Variants in SPAG16 observed in about 807,000 individuals in gnomAD.
The protein encoded by SPAG16 is sperm-associated antigen 16 protein.
SPAG16 carries 86 observed loss-of-function variants against 80.4 expected under a neutral mutation model. The ratio of observed to expected loss-of-function variants is 1.07; its 90% CI spans 0.90 to 1.28. SPAG16 has a LOEUF of 1.28. Ranked by LOEUF, SPAG16 falls within the 50% of genes most tolerant of loss-of-function variation. The probability of loss-of-function intolerance (pLI) is 0.00; values close to 1 mark genes in which losing one functional copy is unlikely to be tolerated. For synonymous variants in SPAG16, 294 were observed against 265.9 expected, an observed-to-expected ratio of 1.11 and a Z score of -1.03; for missense variants, 870 against 765.3, an observed-to-expected ratio of 1.14 and a Z score of -1.61.
rs549361780 is a variant in SPAG16 at position 213,542,089 on chromosome 2, A to T, written c.1070+51999A>T. On this transcript the variant is annotated intron_variant, in intron 10 of 15. Coordinates refer to ENST00000331683, the MANE Select transcript of SPAG16 (RefSeq NM_024532.5). ...GATGTATTAAATTAGTTTGATGAGA[A>T]TTTTTTTCTGTAATTAAAAAGAAAC... 9.2e-5 allele frequency among the ~76,000 whole-genome samples: 14 copies of T among 152,288 alleles called. No individual in the cohort carries two copies. The East Asian group carries it at 2.7e-3, about 29-fold the overall frequency.
At chr2:214,324,631 C>T (rs936638653) in intron 15 of SPAG16, among the ~76,000 whole-genome samples, 1 of 152,192 alleles carries the variant, frequency 6.6e-6, no homozygotes, top group East Asian at 1.9e-4. Context: ...ACTTGCCAAC[C>T]CACGTCTGTG....
At chr2:214,101,253 CTAGGCTAGCT>C (rs1232162810) in intron 13 of SPAG16, among the ~76,000 whole-genome samples, 1 of 151,870 alleles carries the variant, frequency 6.6e-6, no homozygotes, top group African/African-American at 2.4e-5. Flanking sequence ...GTCAGTCAGG[CTAGGCTAGCT>C]TGTGTTATGG....
chr2:213,655,680 T>G (rs2063195871), intron 10 of SPAG16, among the ~76,000 whole-genome samples: 1 of 152,198 alleles, frequency 6.6e-6, no homozygotes, highest in South Asian at 2.1e-4. Flanking sequence ...GAGATGAGCC[T>G]TACCTCCAAA....
chr2:213,508,455 C>A (rs2075065036), intron 10 of SPAG16, among the ~76,000 whole-genome samples: 1 of 152,100 alleles, frequency 6.6e-6, no homozygotes, highest in Admixed American at 6.5e-5. Context: ...GCCTGTAGTC[C>A]CAGCTACTGG....
At chr2:213,976,239 T>C (rs952148721) in intron 12 of SPAG16, among the ~76,000 whole-genome samples, 4 of 150,776 alleles carry the variant, frequency 2.7e-5, no homozygotes, top group African/African-American at 9.7e-5. Context: ...TATACACGTG[T>C]GTATACATAC....
chr2:213,646,184 G>A (rs775597672), intron 10 of SPAG16, among the ~76,000 whole-genome samples: 15 of 152,054 alleles, frequency 9.9e-5, no homozygotes, highest in African/African-American at 1.2e-4. Flanking sequence ...TGCCTCTTTC[G>A]ACGATACAAA....
chr2:213,366,945 A>G lies in SPAG16; in HGVS notation c.832+2800A>G, dbSNP rs2066330600. Among the ~76,000 whole-genome samples the G allele has an allele frequency of 2.6e-5, 4 of 151,492 alleles. No homozygotes were observed. In the South Asian group the frequency reaches 8.4e-4, roughly 32 times the overall value. On this transcript the variant is annotated intron_variant, in intron 8 of 15. Transcript: ENST00000331683. ...AATGGTATCCCTCCCCATTCCCCCT[A>G]CCCCATGACAGGCCCCGGTGTGTGA...
intron 11 of SPAG16, among the ~76,000 whole-genome samples, chr2:213,867,604 C>A (rs2075743357): frequency 6.6e-6 from 1 of 152,008 alleles, no homozygotes; most frequent in Admixed American, 6.6e-5. Flanking sequence ...TCATATTTTT[C>A]ATTGATAGAA....
chr2:213,835,072 C>CTTT (rs1419330433), intron 10 of SPAG16, among the ~76,000 whole-genome samples: 2 of 152,024 alleles, frequency 1.3e-5, no homozygotes. Context: ...GGGGGAGTTT[C>CTTT]TTTTTCTTTA....
chr2:213,401,291 A>G (rs1180156860), intron 9 of SPAG16, among the ~76,000 whole-genome samples: 1 of 152,274 alleles, frequency 6.6e-6, no homozygotes, highest in Non-Finnish European at 1.5e-5. Context: ...CTTCAGAAAC[A>G]TTAGATAATG....
chr2:213,458,498 G>A (rs1168859132), intron 9 of SPAG16, among the ~76,000 whole-genome samples: 3 of 152,188 alleles, frequency 2.0e-5, no homozygotes, highest in Non-Finnish European at 4.4e-5. Context: ...CTTGAATCCA[G>A]GAGGCGGACG....
intron 15 of SPAG16, among the ~76,000 whole-genome samples, chr2:214,246,240 G>A (rs1689838201): frequency 7.3e-6 from 1 of 137,774 alleles, no homozygotes; most frequent in South Asian, 2.3e-4. Context: ...CACAAATTAT[G>A]AGGACATTGT....
In SPAG16 at chr2:213,648,936, G is replaced by A. The variant is rs570970265; in HGVS notation, c.1070+158846G>A. Reference sequence around the variant, plus strand: ...CTGACAGACCCTACCATAACCATGCGGCAAAAGCAGGTGACCAAAATATAT... The same window carrying A: ...CTGACAGACCCTACCATAACCATGCAGCAAAAGCAGGTGACCAAAATATAT... On this transcript the variant is annotated intron_variant, in intron 10 of 15. Coordinates refer to ENST00000331683, the MANE Select transcript of SPAG16 (RefSeq NM_024532.5). Among the ~76,000 whole-genome samples the A allele has an allele frequency of 9.6e-4, 145 of 151,752 alleles. 2 individuals are homozygous for A. The South Asian group carries it at 0.016, about 17-fold the overall frequency.
At chr2:213,774,508 GTGATCT>G (rs2069449691) in intron 10 of SPAG16, among the ~76,000 whole-genome samples, 1 of 152,132 alleles carries the variant, frequency 6.6e-6, no homozygotes, top group Non-Finnish European at 1.5e-5. Context: ...CCTATTTCCT[GTGATCT>G]CATATTAAGC....
intron 10 of SPAG16, among the ~76,000 whole-genome samples, chr2:213,731,862 G>A (rs1247148513): frequency 1.3e-5 from 2 of 152,064 alleles, no homozygotes; most frequent in Non-Finnish European, 2.9e-5. Context: ...ACTCTTGATG[G>A]TTGTCTTTTC....
chr2:214,206,057 G>A (rs190547145), intron 15 of SPAG16, among the ~76,000 whole-genome samples: 19 of 152,076 alleles, frequency 1.2e-4, no homozygotes, highest in African/African-American at 2.9e-4. Flanking sequence ...ATAGCTAGGT[G>A]TGGTGGCATA....
intron 15 of SPAG16, among the ~76,000 whole-genome samples, chr2:214,362,683 A>T (rs1411974997): frequency 6.6e-6 from 1 of 151,942 alleles, no homozygotes; most frequent in Middle Eastern, 3.4e-3. Context: ...AAAATACCTT[A>T]TATCAGTTCC....
At chr2:214,280,952 A>C (rs954591100) in intron 15 of SPAG16, 3 of 450,962 alleles carry the variant, frequency 6.7e-6, no homozygotes, top group Non-Finnish European at 1.3e-5. Context: ...CTTCTGCATT[A>C]AATTCCTTGC....
intron 10 of SPAG16, among the ~76,000 whole-genome samples, chr2:213,719,232 C>A (rs1459106687): frequency 2.6e-4 from 40 of 152,192 alleles, no homozygotes; most frequent in Admixed American, 9.2e-4. Context: ...CTGTATCTAG[C>A]TGCTCTGGTG....
Sources: allele counts gnomAD v4.1 joint callset (sites outside exome capture counted in the v4.1 genomes callset), GRCh38; gene constraint gnomAD v4.1.1; transcripts MANE v1.5; gene names NCBI Gene and HGNC (gene_info 2026-07-23, HGNC 2026-07-21).